The following CDC42BPA variants were observed in gnomAD, a reference collection of about 807,000 sequenced individuals.
The protein encoded by CDC42BPA is CDC42 binding protein kinase alpha, also known as serine/threonine-protein kinase MRCK alpha.
A neutral mutation model predicts 223.5 loss-of-function variants in CDC42BPA; 80 were observed. The observed-to-expected ratio is 0.36, with a 90% CI of 0.30 to 0.43. The LOEUF (loss-of-function observed/expected upper bound fraction) is 0.43. CDC42BPA is among the 20% of genes least tolerant of loss of function. The pLI is 1.00. For synonymous variants in CDC42BPA, 694 were observed against 718.6 expected, an observed-to-expected ratio of 0.97 and a Z score of 0.55; for missense variants, 1,743 against 2,099.9, an observed-to-expected ratio of 0.83 and a Z score of 3.32.
intron 10 of CDC42BPA, among the ~76,000 whole-genome samples, chr1:227,138,280 CT>C (rs1193487770): frequency 6.6e-6 from 1 of 151,750 alleles, no homozygotes; most frequent in African/African-American, 2.4e-5. Flanking sequence ...ATGTTACATC[CT>C]TTATTTTAGA....
chr1:227,189,526 A>G (rs1042696278), intron 5 of CDC42BPA, among the ~76,000 whole-genome samples: 5 of 152,212 alleles, frequency 3.3e-5, no homozygotes, highest in Non-Finnish European at 7.4e-5. Flanking sequence ...GTCTGGCAAA[A>G]CAAGCAGAGT....
intron 22 of CDC42BPA, among the ~76,000 whole-genome samples, chr1:227,049,097 C>T (rs1228896682): frequency 6.6e-6 from 1 of 151,734 alleles, no homozygotes; most frequent in East Asian, 1.9e-4. Context: ...TTAAACCAAA[C>T]TTATAATTTA....
chr1:227,040,039 A>C (rs12026688), intron 24 of CDC42BPA, 92 bp downstream of exon 24: 167,097 of 830,832 alleles, frequency 0.2, 17,351 homozygotes, highest in Middle Eastern at 0.27. Flanking sequence ...TGATTAAGTA[A>C]AACAAACATT....
Position 227,318,107 on chromosome 1 carries a change from G to A in CDC42BPA, c.-925C>T. On this transcript the variant is annotated 5_prime_UTR_variant, in exon 1 of 37. Transcript: ENST00000366766. ...GCCGGGCAGAGAGCCCGGTCTCCCC[G>A]ACACCCGCACCGGGCCGCCGCGCCG... is the stretch of plus-strand genomic sequence containing the variant. 1.2e-5 allele frequency: 1 copy of A among 83,798 alleles called. No homozygotes were observed. The highest frequency in any genetic ancestry group is 1.4e-3 in the South Asian group (1 of 738). 5.2% of individuals were successfully genotyped at this position (83,798 alleles called of 1,614,324 possible).
At chr1:227,246,940 C>T (rs796958296) in intron 2 of CDC42BPA, among the ~76,000 whole-genome samples, 7 of 152,316 alleles carry the variant, frequency 4.6e-5, no homozygotes, top group African/African-American at 1.2e-4. Context: ...GTGGCTCACA[C>T]CTGTAATCCC....
At chr1:227,011,554 T>C (rs1665212839) in intron 34 of CDC42BPA, among the ~76,000 whole-genome samples, 1 of 152,186 alleles carries the variant, frequency 6.6e-6, no homozygotes. Flanking sequence ...ACTGATTTTA[T>C]TTCCTTATAA....
intron 29 of CDC42BPA, among the ~76,000 whole-genome samples, chr1:227,030,114 C>T (rs1288584541): frequency 7.0e-6 from 1 of 142,204 alleles, no homozygotes; most frequent in Non-Finnish European, 1.5e-5. Flanking sequence ...GCCTGGGCAG[C>T]AAGAGTGAAA....
At chr1:227,174,358 A>T (rs909061809) in intron 5 of CDC42BPA, among the ~76,000 whole-genome samples, 1 of 152,222 alleles carries the variant, frequency 6.6e-6, no homozygotes, top group Non-Finnish European at 1.5e-5. Flanking sequence ...TCATTGTAAA[A>T]GTAATGATTT....
intron 35 of CDC42BPA, among the ~76,000 whole-genome samples, chr1:226,997,870 T>C (rs935376721): frequency 4.7e-4 from 71 of 152,188 alleles, no homozygotes; most frequent in Admixed American, 9.2e-4. Context: ...TCCAATTATG[T>C]GGTCAGTTTT....
intron 1 of CDC42BPA, among the ~76,000 whole-genome samples, chr1:227,275,239 T>TAAAAAAAAAAAAA (rs1558930096): frequency 2.6e-5 from 2 of 75,562 alleles, no homozygotes; most frequent in Admixed American, 1.4e-4. Context: ...AAATAAAAAT[T>TAAAAAAAAAAAAA]AGAAAGCAGA....
chr1:227,216,877 T>C (rs1489671819), intron 2 of CDC42BPA, among the ~76,000 whole-genome samples: 1 of 152,168 alleles, frequency 6.6e-6, no homozygotes, highest in Non-Finnish European at 1.5e-5. Context: ...AACATGATGT[T>C]AGAAAACCTG....
intron 2 of CDC42BPA, among the ~76,000 whole-genome samples, chr1:227,243,134 G>T (rs1435789140): frequency 6.6e-6 from 1 of 152,166 alleles, no homozygotes; most frequent in Non-Finnish European, 1.5e-5. Context: ...AGTACACATG[G>T]ACACATAGAA....
intron 14 of CDC42BPA, among the ~76,000 whole-genome samples, chr1:227,109,702 TA>T (rs1338150241): frequency 1.4e-5 from 2 of 147,848 alleles, no homozygotes; most frequent in Non-Finnish European, 3.0e-5. Flanking sequence ...AGCTTTTTTC[TA>T]TTTGTAAAAT....
At chr1:227,019,061 C>T (rs1012082482) in intron 32 of CDC42BPA, among the ~76,000 whole-genome samples, 1 of 152,164 alleles carries the variant, frequency 6.6e-6, no homozygotes, top group African/African-American at 2.4e-5. Flanking sequence ...AGATGGTTCT[C>T]CATAGCATAA....
chr1:227,087,751 T>C (rs1682273374), intron 16 of CDC42BPA, among the ~76,000 whole-genome samples: 1 of 152,226 alleles, frequency 6.6e-6, no homozygotes, highest in Non-Finnish European at 1.5e-5. Flanking sequence ...CTCCAAGACT[T>C]CTGAAATGAT....
chr1:227,163,990 T>C (rs1261460219), intron 5 of CDC42BPA, among the ~76,000 whole-genome samples: 3 of 152,148 alleles, frequency 2.0e-5, no homozygotes, highest in Non-Finnish European at 4.4e-5. Flanking sequence ...TAATACCACA[T>C]ACGTCATAAA....
chr1:227,137,571 G>A (rs889154180), intron 10 of CDC42BPA, among the ~76,000 whole-genome samples: 31 of 151,198 alleles, frequency 2.1e-4, no homozygotes, highest in African/African-American at 6.6e-4. Context: ...ATATTTGCAC[G>A]AACTTTACTC....
chr1:227,250,702 A>G lies in CDC42BPA; in HGVS notation c.270+3362T>C, dbSNP rs900439130. ...TTTTAATTTTAGGACCTCAAAAAATATATTTTCAGACAAATAAAATCAGAT... is the reference window on the plus strand; with the variant it reads ...TTTTAATTTTAGGACCTCAAAAAATGTATTTTCAGACAAATAAAATCAGAT... On this transcript the variant is annotated intron_variant, in intron 2 of 36. Coordinates refer to ENST00000366766, the MANE Select transcript of CDC42BPA (RefSeq NM_001394014.1). Among the ~76,000 whole-genome samples the G allele has an allele frequency of 8.6e-5, 13 of 151,990 alleles. 1 individual carries two copies. Among genetic ancestry groups the G allele is most frequent in the Admixed American group, 7.2e-4 (11 of 15,224 alleles).
chr1:226,996,442 C>T (rs187773024), intron 35 of CDC42BPA, among the ~76,000 whole-genome samples: 31 of 152,312 alleles, frequency 2.0e-4, no homozygotes, highest in African/African-American at 6.7e-4. Flanking sequence ...CTCTTCCTAT[C>T]TGAATACCCT....
Sources: gnomAD v4.1 joint callset for allele counts (sites outside exome capture counted in the v4.1 genomes callset) on GRCh38, gnomAD v4.1.1 for gene constraint, MANE v1.5 for transcripts, NCBI Gene and HGNC (gene_info 2026-07-23, HGNC 2026-07-21) for gene names.